Variants in PCDHGA10 observed in about 807,000 individuals in gnomAD.
The protein encoded by PCDHGA10 is protocadherin gamma-A10.
PCDHGA10 carries 42 observed loss-of-function variants against 59.5 expected under a neutral mutation model. The ratio of observed to expected loss-of-function variants is 0.71; its 90% CI spans 0.55 to 0.91. The LOEUF is 0.91. PCDHGA10 is among the 40% of genes least tolerant of loss of function. The pLI is 0.00. For synonymous variants in PCDHGA10, 511 were observed against 517.2 expected (o/e 0.99, Z 0.16); for missense variants, 1,111 against 1,198.2 (o/e 0.93, Z 1.07).
intron 1 of PCDHGA10, chr5:141,419,377 C>T: frequency 6.2e-6 from 10 of 1,613,690 alleles, no homozygotes; most frequent in Admixed American, 3.3e-5. Flanking sequence ...CCTACGTGTC[C>T]GTGAGCGCGC....
Position 141,493,554 on chromosome 5 carries a change from G to A in PCDHGA10, c.2437-1253G>A, listed in dbSNP as rs2099748882. The stretch of plus-strand genomic sequence containing the variant: ...GGCCAGTTATCCTTTTGGAGATTGA[G>A]TTCCCCCAGCTCCGTTTCCTCCTAT... On this transcript the variant is annotated intron_variant, in intron 1 of 3. Coordinates refer to ENST00000398610, the MANE Select transcript of PCDHGA10 (RefSeq NM_018913.3). The surrounding 1 kb of genome is among the most constrained non-coding windows in gnomAD (Gnocchi z 4.3). 6.6e-6 allele frequency among the ~76,000 whole-genome samples: 1 copy of A among 152,166 alleles called. No homozygotes were observed. Among genetic ancestry groups the A allele is most frequent in the Admixed American group, 6.5e-5 (1 of 15,282 alleles).
intron 3 of PCDHGA10, among the ~76,000 whole-genome samples, chr5:141,508,871 A>T (rs981330486): frequency 5.3e-5 from 8 of 152,062 alleles, no homozygotes; most frequent in East Asian, 3.9e-4. Flanking sequence ...AAGGCTGAAG[A>T]GGCTGACGGC....
At position 141,477,579 on chromosome 5, in the gene PCDHGA10, A is replaced by G. The variant is rs774773400; in HGVS notation, c.2437-17228A>G. The stretch of plus-strand genomic sequence containing the variant: ...AGTGTCTGGGACCCCGACGCCCCGC[A>G]GAATGCTCGGCTTTCTTTCTTTCTC... On this transcript the variant is annotated intron_variant, in intron 1 of 3. Coordinates refer to ENST00000398610, the MANE Select transcript of PCDHGA10 (RefSeq NM_018913.3). The surrounding 1 kb of genome is among the most constrained non-coding windows in gnomAD (Gnocchi z 4.9). The G allele has an allele frequency of 1.7e-5, 27 of 1,614,036 alleles. No individual in the cohort carries two copies. The highest frequency in any genetic ancestry group is 2.0e-5 in the Non-Finnish European group (24 of 1,180,036).
intron 1 of PCDHGA10, chr5:141,428,441 G>C: frequency 2.6e-6 from 1 of 389,280 alleles, no homozygotes; most frequent in Non-Finnish European, 4.9e-6. Context: ...ACTAGACCAG[G>C]GGTTTTTCCC....
Position 141,491,900 on chromosome 5 carries a change from G to A in PCDHGA10, c.2437-2907G>A, listed in dbSNP as rs1268804496. 7.0e-7 allele frequency: 1 copy of A among 1,429,818 alleles called. No individual in the cohort carries two copies. Among genetic ancestry groups the A allele is most frequent in the East Asian group, 2.5e-5 (1 of 39,444 alleles). The allele number at this position is 1,429,818 out of a possible 1,614,324, so 88.6% of individuals were successfully genotyped here. A position where few individuals can be genotyped will look rare whatever the true frequency, so the allele number is the denominator to read the frequency against. ...TAAGGGATGGGGCTCCGAGCACCGGGGGTGGTGGCGACTGTGGGCGAGGGG... is the reference window on the plus strand; with the variant it reads ...TAAGGGATGGGGCTCCGAGCACCGGAGGTGGTGGCGACTGTGGGCGAGGGG... On this transcript the variant is annotated intron_variant, in intron 1 of 3. Coordinates refer to ENST00000398610, the MANE Select transcript of PCDHGA10 (RefSeq NM_018913.3). This position sits in a 1 kb window ranked among gnomAD's most constrained non-coding sequence, Gnocchi z 6.9.
At chr5:141,494,564 G>A (rs2099755274) in intron 1 of PCDHGA10, among the ~76,000 whole-genome samples, 1 of 152,138 alleles carries the variant, frequency 6.6e-6, no homozygotes, top group Non-Finnish European at 1.5e-5. Context: ...TTTAGGAAAG[G>A]AGTCTCAGCT....
rs1047637676 is a variant in PCDHGA10, at chr5:141,449,606, A to G, written c.2436+33995A>G. The stretch of plus-strand genomic sequence containing the variant: ...TCTGTCTCAAAAAAAAAAAAAAAAA[A>G]AGTAAAAAAGTTTTTTAAAAAGATG... On this transcript the variant is annotated intron_variant, in intron 1 of 3. Transcript: ENST00000398610. 3.9e-3 allele frequency among the ~76,000 whole-genome samples: 591 copies of G among 150,802 alleles called. 2 individuals carry two copies. The highest frequency in any genetic ancestry group is 0.01 in the Middle Eastern group (3 of 290).
rs748527220 is a variant in PCDHGA10 at position 141,414,081 on chromosome 5, T to C, written c.906T>C (p.Thr302=). Residue 302 remains threonine, a synonymous_variant, in exon 1 of 4, where the codon ACT becomes ACC. Transcript: ENST00000398610. ...QLLKFQLNKY[T]GEIKISENLD... is the part of the protein sequence containing the mutation. ...TGAAGTTCCAACTAAACAAATATAC[T>C]GGAGAAATAAAAATATCAGAAAATC... 1 of 1,601,774 alleles carries C rather than the reference T, an allele frequency of 6.2e-7. No individual in the cohort carries two copies. The highest frequency in any genetic ancestry group is 1.1e-5 in the South Asian group (1 of 89,482).
chr5:141,464,578 A>G (rs2099086989), intron 1 of PCDHGA10, among the ~76,000 whole-genome samples: 1 of 152,164 alleles, frequency 6.6e-6, no homozygotes, highest in Non-Finnish European at 1.5e-5. Flanking sequence ...ATAGATGAGA[A>G]TGTCCATTGT....
Position 141,489,407 on chromosome 5 carries a change from T to C in PCDHGA10, c.2437-5400T>C. On this transcript the variant is annotated intron_variant, in intron 1 of 3. Transcript: ENST00000398610. This position sits in a 1 kb window ranked among gnomAD's most constrained non-coding sequence, Gnocchi z 4.5. ...GTTGCTCAGGATCTGGGCTTAAAGA[T>C]GACAGATCTGTTGAGCCGGCGGCTG... 6.2e-7 allele frequency: 1 copy of C among 1,614,140 alleles called. No individual in the cohort carries two copies.
At position 141,432,778 on chromosome 5, in the gene PCDHGA10, G is replaced by T; in HGVS notation, c.2436+17167G>T. The T allele has an allele frequency of 3.7e-6, 6 of 1,614,166 alleles. No individual in the cohort carries two copies. Among genetic ancestry groups the T allele is most frequent in the Non-Finnish European group, 5.1e-6 (6 of 1,180,002 alleles). ...CCGACAGCATCCCCCAAGTCCTGGCGGACCTCGGCAGCCTCGAGTCTCCAG... is the reference window on the plus strand; with the variant it reads ...CCGACAGCATCCCCCAAGTCCTGGCTGACCTCGGCAGCCTCGAGTCTCCAG... On this transcript the variant is annotated intron_variant, in intron 1 of 3. Transcript: ENST00000398610. The surrounding 1 kb of genome is among the most constrained non-coding windows in gnomAD (Gnocchi z 6.0).
chr5:141,490,833 G>C lies in PCDHGA10; in HGVS notation c.2437-3974G>C, dbSNP rs781529579. ...ACTATGAATTGCTGCAGATGCTGCA[G>C]ATTGTGGTGGGGGTTCGAGACTCCG... On this transcript the variant is annotated intron_variant, in intron 1 of 3. Coordinates refer to ENST00000398610, the MANE Select transcript of PCDHGA10 (RefSeq NM_018913.3). This position sits in a 1 kb window ranked among gnomAD's most constrained non-coding sequence, Gnocchi z 5.4. The C allele has an allele frequency of 6.2e-7, 1 of 1,613,932 alleles. No homozygotes were observed. Among genetic ancestry groups the C allele is most frequent in the East Asian group, 2.2e-5 (1 of 44,884 alleles).
In PCDHGA10 at chr5:141,502,614, T is replaced by C. The variant is rs534996288; in HGVS notation, c.2496-2779T>C. Among the ~76,000 whole-genome samples the C allele has an allele frequency of 7.2e-5, 11 of 152,316 alleles. No homozygotes were observed. In the East Asian group the frequency reaches 1.7e-3, roughly 24 times the overall value. ...AGATATTTTAAAATATTTGTGAAAATATAAGTAATCTGTGGATGATACTTT... is the reference window on the plus strand; with the variant it reads ...AGATATTTTAAAATATTTGTGAAAACATAAGTAATCTGTGGATGATACTTT... On this transcript the variant is annotated intron_variant, in intron 2 of 3. Transcript: ENST00000398610.
At position 141,490,054 on chromosome 5, in the gene PCDHGA10, G is replaced by A. The variant is rs2099695440; in HGVS notation, c.2437-4753G>A. The A allele has an allele frequency of 6.2e-7, 1 of 1,614,104 alleles. No individual in the cohort carries two copies. The highest frequency in any genetic ancestry group is 1.3e-5 in the African/African-American group (1 of 74,944). ...CCTCAATGCCACTGATCCAGACGAG[G>A]GCACCAACGGCCAACTAGACTATTC... On this transcript the variant is annotated intron_variant, in intron 1 of 3. Transcript: ENST00000398610. This position sits in a 1 kb window ranked among gnomAD's most constrained non-coding sequence, Gnocchi z 5.4.
chr5:141,505,345 G>A (rs776607130), intron 2 of PCDHGA10, 48 bp from the exon 3 acceptor site: 13 of 1,613,086 alleles, frequency 8.1e-6, no homozygotes, highest in Non-Finnish European at 1.1e-5. Flanking sequence ...AGGGGCATGA[G>A]CTGTGCCGGC....
At chr5:141,474,881 C>A (rs2099356099) in intron 1 of PCDHGA10, among the ~76,000 whole-genome samples, 1 of 152,244 alleles carries the variant, frequency 6.6e-6, no homozygotes, top group South Asian at 2.1e-4. Context: ...AGCAGGAACT[C>A]TTAGAGGTTC....
chr5:141,422,580 C>T (rs1310564205), intron 1 of PCDHGA10: 10 of 1,613,934 alleles, frequency 6.2e-6, no homozygotes, highest in Non-Finnish European at 8.5e-6. Flanking sequence ...ATAACCCTCC[C>T]GTTTTTCCTC....
In PCDHGA10 at chr5:141,487,694, AC is replaced by A. The variant is rs1296386169; in HGVS notation, c.2437-7112del. On this transcript the variant is annotated intron_variant, in intron 1 of 3. Coordinates refer to ENST00000398610, the MANE Select transcript of PCDHGA10 (RefSeq NM_018913.3). The surrounding 1 kb of genome is among the most constrained non-coding windows in gnomAD (Gnocchi z 5.0). ...ATGGCTAGGCCATGTCCTAGAGAGT[AC>A]TGGCCTCTCAGTAAGTGCCCATAGT... is the stretch of plus-strand genomic sequence containing the variant. The A allele has an allele frequency of 6.2e-7, 1 of 1,602,048 alleles. No individual in the cohort carries two copies. The highest frequency in any genetic ancestry group is 2.2e-5 in the East Asian group (1 of 44,642).
chr5:141,435,409 G>A (rs1387678336), intron 1 of PCDHGA10, among the ~76,000 whole-genome samples: 1 of 152,066 alleles, frequency 6.6e-6, no homozygotes, highest in African/African-American at 2.4e-5. Context: ...AAATGGTAAA[G>A]ACTATTTTTC....
Sources: allele counts gnomAD v4.1 joint callset (sites outside exome capture counted in the v4.1 genomes callset), GRCh38; gene constraint gnomAD v4.1.1; non-coding constraint Gnocchi (gnomAD v3.1); transcripts MANE v1.5; gene names NCBI Gene and HGNC (gene_info 2026-07-23, HGNC 2026-07-21).